Variants in ZFHX4 observed in about 807,000 individuals in gnomAD.
ZFHX4 encodes the protein zinc finger homeobox 4.
A neutral mutation model predicts 267.6 loss-of-function variants in ZFHX4; 56 were observed. That is an observed-to-expected ratio of 0.21 (90% CI 0.17 to 0.26). The LOEUF (loss-of-function observed/expected upper bound fraction) is 0.26, where lower values mean the gene tolerates loss of function less well. Among genes scored for constraint, ZFHX4 ranks in the 10% least tolerant of loss-of-function variants. The pLI is 1.00. For synonymous variants in ZFHX4, 1,778 were observed against 1,665.6 expected, an observed-to-expected ratio of 1.07 and a Z score of -1.64; for missense variants, 4,332 against 4,420.0, an observed-to-expected ratio of 0.98 and a Z score of 0.56.
chr8:76,729,376 T>A (rs1312470614), intron 3 of ZFHX4, among the ~76,000 whole-genome samples: 1 of 152,120 alleles, frequency 6.6e-6, no homozygotes, highest in African/African-American at 2.4e-5. Context: ...TTGTTTTTAT[T>A]TGGTTAGGAA....
rs758955521 is a variant in ZFHX4, at chr8:76,863,739, A to G, written c.10025A>G (p.Gln3342Arg). ...CAAAAGCAACAGCAAGAACAGCAGC[A>G]GAAACCAGTTCAGGCAAAGACATCC... is the stretch of plus-strand genomic sequence containing the variant. Reference protein sequence around the residue: ...KQQKQQQEQQQKPVQAKTSKV... With the variant: ...KQQKQQQEQQRKPVQAKTSKV... The change falls in exon 11 of 11, where the codon CAG becomes CGG. Residue 3342 changes from glutamine to arginine, a missense_variant. Around this residue, in one of 7 missense-constraint regions of ZFHX4, gnomAD observed 1,648 missense variants for 1,625.0 expected, o/e 1.01. Coordinates refer to ENST00000651372, the MANE Select transcript of ZFHX4 (RefSeq NM_024721.5). 6.4e-7 allele frequency: 1 copy of G among 1,555,976 alleles called. No individual in the cohort carries two copies. Among genetic ancestry groups the G allele is most frequent in the South Asian group, 1.2e-5 (1 of 85,076 alleles).
At chr8:76,698,938 C>T (rs1808029542) in intron 1 of ZFHX4, among the ~76,000 whole-genome samples, 1 of 152,084 alleles carries the variant, frequency 6.6e-6, no homozygotes, top group African/African-American at 2.4e-5. Flanking sequence ...CATTTTCTCT[C>T]GTGCTGGGAA....
chr8:76,775,749 C>T (rs565239963), intron 3 of ZFHX4, among the ~76,000 whole-genome samples: 12 of 152,106 alleles, frequency 7.9e-5, no homozygotes, highest in Non-Finnish European at 1.3e-4. Context: ...CCTTGCTGTT[C>T]CTTTTGTTTT....
chr8:76,846,972 C>T (rs751552847), intron 6 of ZFHX4, among the ~76,000 whole-genome samples: 9 of 152,082 alleles, frequency 5.9e-5, no homozygotes, highest in African/African-American at 1.4e-4. Context: ...CGCAAAAGAA[C>T]GATAAGGGGA....
Position 76,704,759 on chromosome 8 carries a change from T to C in ZFHX4, c.671T>C (p.Leu224Ser). 6.2e-7 allele frequency: 1 copy of C among 1,614,002 alleles called. No individual in the cohort carries two copies. The highest frequency in any genetic ancestry group is 8.5e-7 in the Non-Finnish European group (1 of 1,179,894). ...TSALAGVGPV[L>S]HSFRVYDLRH... is the part of the protein sequence containing the mutation. ...GCATTAGCAGGAGTTGGTCCTGTGT[T>C]GCACAGTTTCCGTGTCTATGATCTC... The change falls in exon 2 of 11, where the codon TTG becomes TCG. Residue 224 changes from leucine to serine, a missense_variant. Around this residue, in one of 7 missense-constraint regions of ZFHX4, gnomAD observed 1,195 missense variants for 1,173.6 expected, o/e 1.02. Coordinates refer to ENST00000651372, the MANE Select transcript of ZFHX4 (RefSeq NM_024721.5).
intron 3 of ZFHX4, among the ~76,000 whole-genome samples, chr8:76,712,452 G>A (rs1490643695): frequency 6.6e-6 from 1 of 151,848 alleles, no homozygotes; most frequent in African/African-American, 2.4e-5. Flanking sequence ...AACAGTCACA[G>A]GTATTTTCAT....
chr8:76,721,944 A>AT lies in ZFHX4; in HGVS notation c.3093+13905dup, dbSNP rs199820809. 4.5e-3 allele frequency among the ~76,000 whole-genome samples: 683 copies of AT among 151,512 alleles called. 5 individuals carry two copies. The highest frequency in any genetic ancestry group is 0.015 in the African/African-American group (623 of 41,364). ...GGTACTTTTCTTGCTAACTGACAGGATTTTTTTTTCTTTTTATGAGTATAA... is the reference window on the plus strand; with the variant it reads ...GGTACTTTTCTTGCTAACTGACAGGATTTTTTTTTTCTTTTTATGAGTATAA... On this transcript the variant is annotated intron_variant, in intron 3 of 10. Transcript: ENST00000651372.
chr8:76,829,619 G>A (rs760578941), intron 4 of ZFHX4, among the ~76,000 whole-genome samples: 6 of 152,042 alleles, frequency 3.9e-5, no homozygotes, highest in Non-Finnish European at 7.4e-5. Flanking sequence ...GACCAGTTTG[G>A]TCAACATGAA....
chr8:76,689,602 G>GCAT (rs1404208923), intron 1 of ZFHX4, among the ~76,000 whole-genome samples: 1 of 152,046 alleles, frequency 6.6e-6, no homozygotes, highest in Non-Finnish European at 1.5e-5. Flanking sequence ...TTATATTCTT[G>GCAT]CATAAGGATT....
intron 5 of ZFHX4, among the ~76,000 whole-genome samples, chr8:76,842,049 G>A (rs1812247143): frequency 6.6e-6 from 1 of 152,072 alleles, no homozygotes; most frequent in Non-Finnish European, 1.5e-5. Flanking sequence ...ATGAGGTGTG[G>A]GGTGATGTGG....
chr8:76,849,838 G>T (rs993584846), intron 8 of ZFHX4, 126 bp downstream of exon 8: 1 of 1,067,072 alleles, frequency 9.4e-7, no homozygotes, highest in Non-Finnish European at 1.4e-6. Flanking sequence ...GTTATTGCTC[G>T]TGTTATAGTA....
At position 76,704,614 on chromosome 8, in the gene ZFHX4, A is replaced by G; in HGVS notation, c.526A>G (p.Lys176Glu). 4 of 1,614,014 alleles carry G rather than the reference A, an allele frequency of 2.5e-6. No individual in the cohort carries two copies. Among genetic ancestry groups the G allele is most frequent in the Non-Finnish European group, 3.4e-6 (4 of 1,179,898 alleles). ...GGACTCCCTGGCATCTGCTGGAGAGAAGAGTGATCAGTCTGCTTCTGCACC... is the reference window on the plus strand; with the variant it reads ...GGACTCCCTGGCATCTGCTGGAGAGGAGAGTGATCAGTCTGCTTCTGCACC... ...FLDSLASAGEKSDQSASAPMS... is the reference protein window; with the variant it reads ...FLDSLASAGEESDQSASAPMS... Residue 176 changes from lysine (K) to glutamate (E), a missense_variant, in exon 2 of 11, where the codon AAG (lysine) becomes GAG (glutamate). Around this residue, in one of 7 missense-constraint regions of ZFHX4, gnomAD observed 1,195 missense variants for 1,173.6 expected, o/e 1.02. Coordinates refer to ENST00000651372, the MANE Select transcript of ZFHX4 (RefSeq NM_024721.5).
chr8:76,837,493 GAAAA>G (rs11293025), intron 5 of ZFHX4, among the ~76,000 whole-genome samples: 1 of 121,574 alleles, frequency 8.2e-6, no homozygotes, highest in African/African-American at 2.9e-5. Context: ...AATGCAAAAA[GAAAA>G]AAAAAAAAAA....
chr8:76,697,126 G>A (rs1807980232), intron 1 of ZFHX4, among the ~76,000 whole-genome samples: 1 of 151,894 alleles, frequency 6.6e-6, no homozygotes, highest in Non-Finnish European at 1.5e-5. Flanking sequence ...GATCATATTG[G>A]TAGCAATTGT....
In ZFHX4 at chr8:76,863,317, A is replaced by G; in HGVS notation, c.9603A>G (p.Lys3201=). ...KKQTKPNKVK[K]IKEEELEATK... The stretch of plus-strand genomic sequence containing the variant: ...AAACTAAGCCAAACAAGGTGAAAAA[A>G]ATCAAAGAGGAGGAATTAGAGGCCA... The change falls in exon 11 of 11, where the codon AAA becomes AAG. Residue 3201 remains lysine, a synonymous_variant. Coordinates refer to ENST00000651372, the MANE Select transcript of ZFHX4 (RefSeq NM_024721.5). 1 of 1,613,304 alleles carries G rather than the reference A, an allele frequency of 6.2e-7. No individual in the cohort carries two copies. Among genetic ancestry groups the G allele is most frequent in the South Asian group, 1.1e-5 (1 of 91,014 alleles).
intron 3 of ZFHX4, among the ~76,000 whole-genome samples, chr8:76,764,820 T>A (rs1360330344): frequency 6.6e-6 from 1 of 152,200 alleles, no homozygotes; most frequent in African/African-American, 2.4e-5. Flanking sequence ...AAAGCAAAAG[T>A]CATTTCTTCC....
chr8:76,745,622 A>G (rs1809439116), intron 3 of ZFHX4, among the ~76,000 whole-genome samples: 1 of 152,038 alleles, frequency 6.6e-6, no homozygotes, highest in Non-Finnish European at 1.5e-5. Flanking sequence ...TTCCCTAAAG[A>G]TGGTGATTTC....
intron 10 of ZFHX4, among the ~76,000 whole-genome samples, chr8:76,861,504 T>C (rs1016236824): frequency 1.3e-5 from 2 of 152,094 alleles, no homozygotes; most frequent in Non-Finnish European, 2.9e-5. Flanking sequence ...GTAGAAGTTA[T>C]ATCAAAGTAG....
Position 76,705,729 on chromosome 8 carries a change from T to G in ZFHX4, c.1641T>G (p.Ser547Arg), listed in dbSNP as rs74886598. Residue 547 changes from serine to arginine, a missense_variant, in exon 2 of 11, where the codon AGT (serine) becomes AGG (arginine). By Grantham distance (110) the Ser-to-Arg change is moderately radical. Around this residue, in one of 7 missense-constraint regions of ZFHX4, gnomAD observed 1,195 missense variants for 1,173.6 expected, o/e 1.02. Coordinates refer to ENST00000651372, the MANE Select transcript of ZFHX4 (RefSeq NM_024721.5). Reference sequence around the variant, plus strand: ...CTGCTGCTGTTAGGGCCAGTGGCAGTGTTGCTAGTAACTATGGCATCAGTG... The same window carrying G: ...CTGCTGCTGTTAGGGCCAGTGGCAGGGTTGCTAGTAACTATGGCATCAGTG... ...KQTAAVRASGSVASNYGISGK... is the reference protein window; with the variant it reads ...KQTAAVRASGRVASNYGISGK... 2 of 1,614,004 alleles carry G rather than the reference T, an allele frequency of 1.2e-6. No homozygotes were observed. Among genetic ancestry groups the G allele is most frequent in the Non-Finnish European group, 1.7e-6 (2 of 1,179,900 alleles).
Sources: gnomAD v4.1 joint callset for allele counts (sites outside exome capture counted in the v4.1 genomes callset) on GRCh38, gnomAD v4.1.1 for gene constraint, gnomAD v4.1.1 regional missense constraint, MANE v1.5 for transcripts, NCBI Gene and HGNC (gene_info 2026-07-23, HGNC 2026-07-21) for gene names.